HAUS1: variants seen among roughly 807,000 people sequenced by gnomAD.
HAUS1 encodes the protein HAUS augmin-like complex subunit 1.
Under a neutral mutation model 38.6 loss-of-function variants are expected in HAUS1, and 25 were observed. The ratio of observed to expected loss-of-function variants is 0.65; its 90% CI spans 0.47 to 0.91. The LOEUF is 0.91. HAUS1 is among the 40% of genes least tolerant of loss of function. The probability of loss-of-function intolerance (pLI) is 0.00; values close to 1 mark genes in which losing one functional copy is unlikely to be tolerated. For synonymous variants in HAUS1, 109 were observed against 112.9 expected, an observed-to-expected ratio of 0.97 and a Z score of 0.22; for missense variants, 325 against 328.4, an observed-to-expected ratio of 0.99 and a Z score of 0.08.
intron 4 of HAUS1, among the ~76,000 whole-genome samples, chr18:46,121,221 C>T (rs1426059175): frequency 1.3e-5 from 2 of 151,918 alleles, no homozygotes; most frequent in Non-Finnish European, 2.9e-5. Context: ...CAGAGTTTCT[C>T]TCTTGTCACC....
At chr18:46,111,167 C>A (rs183139447) in intron 2 of HAUS1, among the ~76,000 whole-genome samples, 1 of 151,808 alleles carries the variant, frequency 6.6e-6, no homozygotes, top group African/African-American at 2.4e-5. Context: ...TGCACCCGGC[C>A]TCAAGATTTT....
chr18:46,124,814 A>AC lies in HAUS1; in HGVS notation c.667-3dup. The AC allele has an allele frequency of 6.4e-7, 1 of 1,569,970 alleles. No homozygotes were observed. The highest frequency in any genetic ancestry group is 2.2e-5 in the East Asian group (1 of 44,636). ...TATTACTCTGTGACTGTGTTCTTTT[A>AC]CCCCCAGAAACTGGCAAGATTAAAG... is the stretch of plus-strand genomic sequence containing the variant. On this transcript the variant is annotated splice_region_variant and splice_polypyrimidine_tract_variant and intron_variant, in intron 6 of 8. Transcript: ENST00000282058.
In HAUS1 at chr18:46,125,808, AT is replaced by A; in HGVS notation, c.786+23del. On this transcript the variant is annotated intron_variant, in intron 8 of 8. Coordinates refer to ENST00000282058, the MANE Select transcript of HAUS1 (RefSeq NM_138443.4). ...CGAGAACTAGTAAGTAGTTCCTGTA[AT>A]TTTTTCAGATTTTTTTAAAAAGAAA... 3 of 1,493,502 alleles carry A rather than the reference AT, an allele frequency of 2.0e-6. No individual in the cohort carries two copies. The highest frequency in any genetic ancestry group is 2.8e-6 in the Non-Finnish European group (3 of 1,083,286). The allele number at this position is 1,493,502 out of a possible 1,614,324, so 92.5% of individuals were successfully genotyped here. A position where few individuals can be genotyped will look rare whatever the true frequency, so the allele number is the denominator to read the frequency against.
intron 8 of HAUS1, among the ~76,000 whole-genome samples, chr18:46,126,198 C>T (rs905747699): frequency 6.6e-6 from 1 of 152,078 alleles, no homozygotes; most frequent in African/African-American, 2.4e-5. Flanking sequence ...TCACTTGAAC[C>T]TGGGAGGTGG....
At chr18:46,118,037 T>C in intron 2 of HAUS1, 144 bp from the exon 3 acceptor site, 1 of 667,978 alleles carries the variant, frequency 1.5e-6, no homozygotes, top group Non-Finnish European at 2.6e-6. Context: ...TAGGTTGTAC[T>C]GATGGGGATA....
Position 46,125,725 on chromosome 18 carries a change from GTT to G in HAUS1, c.739-16_739-15del, listed in dbSNP as rs751115233. ...AATTGAGGCAATATAACCTTTCCTT[GTT>G]TTATTTTTTTTTAAAGAATCCGTCT... On this transcript the variant is annotated splice_polypyrimidine_tract_variant and intron_variant, in intron 7 of 8. Transcript: ENST00000282058. The G allele has an allele frequency of 1.3e-6, 2 of 1,568,210 alleles. No homozygotes were observed. Among genetic ancestry groups the G allele is most frequent in the Admixed American group, 1.7e-5 (1 of 58,096 alleles).
intron 2 of HAUS1, chr18:46,106,931 C>T (rs1410782521): frequency 6.6e-6 from 1 of 152,086 alleles, no homozygotes; most frequent in Non-Finnish European, 1.5e-5. Context: ...GGGAGAAATT[C>T]TTGAACCCGG....
At chr18:46,117,840 G>C (rs1911835534) in intron 2 of HAUS1, among the ~76,000 whole-genome samples, 1 of 151,834 alleles carries the variant, frequency 6.6e-6, no homozygotes, top group African/African-American at 2.4e-5. Context: ...CAGTTACTCA[G>C]GAGGCTGAGG....
At chr18:46,117,496 G>A (rs1911824646) in intron 2 of HAUS1, among the ~76,000 whole-genome samples, 2 of 152,158 alleles carry the variant, frequency 1.3e-5, no homozygotes, top group East Asian at 1.9e-4. Flanking sequence ...AAGACAGGGA[G>A]TGGTTGCTAG....
intron 2 of HAUS1, chr18:46,106,783 G>A (rs139089332): frequency 0.073 from 11,156 of 152,230 alleles, 505 homozygotes; most frequent in African/African-American, 0.13. Flanking sequence ...GGGAGGCCAA[G>A]GTGGGCGGAT....
chr18:46,114,258 C>T (rs1413493618), intron 2 of HAUS1, among the ~76,000 whole-genome samples: 1 of 152,212 alleles, frequency 6.6e-6, no homozygotes, highest in East Asian at 1.9e-4. Context: ...TGCCCTTAGG[C>T]TTGAACCTTT....
chr18:46,119,079 C>T (rs1328546867), intron 3 of HAUS1, among the ~76,000 whole-genome samples: 1 of 152,084 alleles, frequency 6.6e-6, no homozygotes, highest in African/African-American at 2.4e-5. Context: ...CCATGCTGGC[C>T]AGGCTGGTCT....
chr18:46,119,889 CA>C, intron 3 of HAUS1, 36 bp from the exon 4 acceptor site: 2 of 1,506,898 alleles, frequency 1.3e-6, no homozygotes, highest in Non-Finnish European at 1.8e-6. Flanking sequence ...AATTATTGCC[CA>C]TTAAGCCCAT....
intron 2 of HAUS1, among the ~76,000 whole-genome samples, 196 bp from the exon 3 acceptor site, chr18:46,117,985 A>T (rs536010564): frequency 6.6e-6 from 1 of 152,242 alleles, no homozygotes; most frequent in East Asian, 1.9e-4. Flanking sequence ...TGACTAAGGG[A>T]TGTAGAGTTT....
chr18:46,116,875 A>T (rs1911810525), intron 2 of HAUS1, among the ~76,000 whole-genome samples: 1 of 152,100 alleles, frequency 6.6e-6, no homozygotes, highest in Non-Finnish European at 1.5e-5. Flanking sequence ...TTAGCCAGGT[A>T]TAGTGGTCCA....
chr18:46,121,272 C>G (rs565853646), intron 4 of HAUS1, among the ~76,000 whole-genome samples: 2 of 152,152 alleles, frequency 1.3e-5, no homozygotes, highest in East Asian at 3.9e-4. Flanking sequence ...TCACTGTACC[C>G]TCCGCTTCCC....
At position 46,104,447 on chromosome 18, in the gene HAUS1, G is replaced by A; in HGVS notation, c.30+6G>A. On this transcript the variant is annotated splice_donor_region_variant and intron_variant, in intron 1 of 8. Transcript: ENST00000282058. Reference sequence around the variant, plus strand: ...AGGAGGAGAGAGAAACGCAGGTGATGGGGCGGGAATGGGGATCGTTGGCCT... The same window carrying A: ...AGGAGGAGAGAGAAACGCAGGTGATAGGGCGGGAATGGGGATCGTTGGCCT... 2.0e-6 allele frequency: 3 copies of A among 1,466,786 alleles called. No homozygotes were observed. Among genetic ancestry groups the A allele is most frequent in the Non-Finnish European group, 2.7e-6 (3 of 1,099,118 alleles). 90.9% of individuals were successfully genotyped at this position (1,466,786 alleles called of 1,614,324 possible).
intron 2 of HAUS1, among the ~76,000 whole-genome samples, chr18:46,109,207 G>GGA: frequency 6.6e-6 from 1 of 152,252 alleles, no homozygotes; most frequent in South Asian, 2.1e-4. Flanking sequence ...TGCCAGAGCA[G>GGA]GAGAGAGAGA....
rs150598402 is a variant in HAUS1 at position 46,105,284 on chromosome 18, T to C, written c.121T>C (p.Ser41Pro). Residue 41 changes from serine (S) to proline (P), a missense_variant, in exon 2 of 9, where the codon TCA becomes CCA. Transcript: ENST00000282058. The part of the protein sequence containing the change: ...PRTTEILHHL[S>P]ERNRVRDRDV... ...GACCACAGAGATTTTACATCACCTT[T>C]CAGAACGCAACAGGGTCCGGGACAG... 1,035 of 1,613,716 alleles carry C rather than the reference T, an allele frequency of 6.4e-4. 6 individuals are homozygous for C. The African/African-American group carries it at 0.012, about 19-fold the overall frequency.
Sources: gnomAD v4.1 joint callset for allele counts (sites outside exome capture counted in the v4.1 genomes callset) on GRCh38, gnomAD v4.1.1 for gene constraint, MANE v1.5 for transcripts, NCBI Gene and HGNC (gene_info 2026-07-23, HGNC 2026-07-21) for gene names.